The following ERBB4 variants were observed in gnomAD, a reference collection of about 807,000 sequenced individuals.
ERBB4 encodes erb-b2 receptor tyrosine kinase 4.
ERBB4 carries 42 observed loss-of-function variants against 158.0 expected under a neutral mutation model. The observed-to-expected ratio is 0.27, with a 90% CI of 0.21 to 0.34. The LOEUF is 0.34. Ranked by LOEUF, ERBB4 falls within the 10% of genes least tolerant of loss-of-function variation. The pLI is 1.00. For synonymous variants in ERBB4, 583 were observed against 558.7 expected, an observed-to-expected ratio of 1.04 and a Z score of -0.61; for missense variants, 1,333 against 1,624.1, an observed-to-expected ratio of 0.82 and a Z score of 3.08.
chr2:212,189,994 C>T (rs1378813439), intron 1 of ERBB4, among the ~76,000 whole-genome samples: 2 of 152,118 alleles, frequency 1.3e-5, no homozygotes, highest in Non-Finnish European at 2.9e-5. Context: ...TGAAAACACA[C>T]CTTTTTATAA....
At chr2:211,562,378 A>C (rs1338545079) in intron 19 of ERBB4, among the ~76,000 whole-genome samples, 1 of 152,216 alleles carries the variant, frequency 6.6e-6, no homozygotes, top group Non-Finnish European at 1.5e-5. Context: ...GCAATATGAG[A>C]TTTTACTTAT....
intron 1 of ERBB4, among the ~76,000 whole-genome samples, chr2:212,291,932 GT>G (rs1411774656): frequency 6.6e-6 from 1 of 151,946 alleles, no homozygotes; most frequent in Admixed American, 6.6e-5. Context: ...ACAGTTTGTA[GT>G]TTGTGGACTG....
In ERBB4 at chr2:211,386,905, T is replaced by C. The variant is rs138148119; in HGVS notation, c.3429A>G (p.Gly1143=). 5.0e-6 allele frequency: 8 copies of C among 1,614,094 alleles called. No individual in the cohort carries two copies. In the African/African-American group the frequency reaches 9.3e-5, roughly 19 times the overall value. Residue 1143 remains glycine, a synonymous_variant, in exon 27 of 28, where the codon GGA becomes GGG. Coordinates refer to ENST00000342788, the MANE Select transcript of ERBB4 (RefSeq NM_005235.3). ...TCATGTAACCTTCCTCATCCAGCTC[T>C]CCTCGTGGGCTCCGTTCTGGGGCAA... is the stretch of plus-strand genomic sequence containing the variant. ...TVFAPERSPR[G]ELDEEGYMTP...
intron 20 of ERBB4, among the ~76,000 whole-genome samples, chr2:211,473,244 G>C (rs1259454307): frequency 6.6e-6 from 1 of 152,020 alleles, no homozygotes; most frequent in Non-Finnish European, 1.5e-5. Flanking sequence ...ACCAGCCAAG[G>C]AATGTTGGCA....
At chr2:211,736,408 A>G (rs1420463510) in intron 5 of ERBB4, among the ~76,000 whole-genome samples, 10 of 152,170 alleles carry the variant, frequency 6.6e-5, no homozygotes, top group Admixed American at 5.9e-4. Context: ...TCTTATTTCA[A>G]TAAAAATGTA....
chr2:211,722,350 ATAATGACCTAAT>A (rs2074127210), intron 7 of ERBB4, 31 bp downstream of exon 7: 11 of 1,516,014 alleles, frequency 7.3e-6, no homozygotes, highest in Non-Finnish European at 1.0e-5. Flanking sequence ...TTGATTTCAA[ATAATGACCTAAT>A]TAATTTGGTT....
At chr2:211,820,989 A>G (rs532087765) in intron 3 of ERBB4, among the ~76,000 whole-genome samples, 1 of 151,898 alleles carries the variant, frequency 6.6e-6, no homozygotes, top group African/African-American at 2.4e-5. Context: ...AACTCAAATA[A>G]AACAAGGATG....
At chr2:211,653,463 C>T (rs1232201726) in intron 16 of ERBB4, among the ~76,000 whole-genome samples, 26 of 140,424 alleles carry the variant, frequency 1.9e-4, no homozygotes, top group African/African-American at 5.2e-4. Context: ...TCTTCCCCCC[C>T]GCCCCCCGCA....
At chr2:212,463,285 T>C (rs1688665620) in intron 1 of ERBB4, among the ~76,000 whole-genome samples, 1 of 152,090 alleles carries the variant, frequency 6.6e-6, no homozygotes, top group Non-Finnish European at 1.5e-5. Flanking sequence ...AGGGTAAATG[T>C]TTGAGGTGAT....
At chr2:212,140,746 C>T (rs1476030672) in intron 1 of ERBB4, among the ~76,000 whole-genome samples, 1 of 150,312 alleles carries the variant, frequency 6.7e-6, no homozygotes, top group Non-Finnish European at 1.5e-5. Context: ...AGAATATATT[C>T]CTTAAAAAGT....
In ERBB4 at chr2:212,286,773, T is replaced by TTTTTTTTTTTTTTTTG. The variant is rs2085998031; in HGVS notation, c.83-161871_83-161870insCAAAAAAAAAAAAAAA. ...GGTGGCACCATGAGGGTTAATTTTT[T>TTTTTTTTTTTTTTTTG]TTTTTTTTTTTTTTTTTGTAGAGAC... On this transcript the variant is annotated intron_variant, in intron 1 of 27. Coordinates refer to ENST00000342788, the MANE Select transcript of ERBB4 (RefSeq NM_005235.3). Among the ~76,000 whole-genome samples the TTTTTTTTTTTTTTTTG allele has an allele frequency of 1.9e-5, 2 of 105,436 alleles. 1 individual carries two copies. Among genetic ancestry groups the TTTTTTTTTTTTTTTTG allele is most frequent in the Non-Finnish European group, 3.9e-5 (2 of 51,038 alleles). 69.2% of individuals were successfully genotyped at this position (105,436 alleles called of 152,430 possible). A position where few individuals can be genotyped will look rare whatever the true frequency, so the allele number is the denominator to read the frequency against.
intron 20 of ERBB4, among the ~76,000 whole-genome samples, chr2:211,512,607 A>C (rs2065910423): frequency 1.3e-5 from 2 of 152,102 alleles, no homozygotes; most frequent in African/African-American, 4.8e-5. Context: ...CCCCCTTCTA[A>C]TCAATTAAAA....
chr2:211,621,343 A>C (rs192447274), intron 18 of ERBB4, among the ~76,000 whole-genome samples: 20 of 152,236 alleles, frequency 1.3e-4, no homozygotes, highest in African/African-American at 4.1e-4. Context: ...TAGGAGAAAA[A>C]AATAATCAAA....
At chr2:211,507,911 T>G (rs1358274038) in intron 20 of ERBB4, among the ~76,000 whole-genome samples, 1 of 152,152 alleles carries the variant, frequency 6.6e-6, no homozygotes, top group East Asian at 1.9e-4. Flanking sequence ...TAAAAGGTTC[T>G]GGGAAAACTG....
chr2:211,390,108 T>C (rs536410638), intron 25 of ERBB4, among the ~76,000 whole-genome samples: 1 of 152,342 alleles, frequency 6.6e-6, no homozygotes, highest in South Asian at 2.1e-4. Context: ...ACAGGAAATA[T>C]GGAACTGCCT....
At chr2:212,060,029 T>C (rs1277125716) in intron 2 of ERBB4, among the ~76,000 whole-genome samples, 1 of 152,196 alleles carries the variant, frequency 6.6e-6, no homozygotes, top group African/African-American at 2.4e-5. Flanking sequence ...GAGAAAATTT[T>C]TGCAATCTAC....
chr2:211,415,107 CTTTTTTTTTT>C (rs71047175), intron 25 of ERBB4, among the ~76,000 whole-genome samples: 1,370 of 72,550 alleles, frequency 0.019, 9 homozygotes, highest in Middle Eastern at 0.038. Context: ...CTTACATTTT[CTTTTTTTTTT>C]TTTTTTTTTT....
intron 2 of ERBB4, among the ~76,000 whole-genome samples, chr2:212,116,186 A>C (rs1445336215): frequency 6.6e-6 from 1 of 151,630 alleles, no homozygotes; most frequent in East Asian, 1.9e-4. Context: ...GCATAGATAT[A>C]AATGGTCACT....
chr2:211,550,594 T>TATAA (rs1256961213), intron 20 of ERBB4, among the ~76,000 whole-genome samples: 14 of 145,270 alleles, frequency 9.6e-5, no homozygotes, highest in African/African-American at 3.5e-4. Context: ...TATATATATA[T>TATAA]AAATATATAG....
Sources: gnomAD v4.1 joint callset for allele counts (sites outside exome capture counted in the v4.1 genomes callset) on GRCh38, gnomAD v4.1.1 for gene constraint, MANE v1.5 for transcripts, NCBI Gene and HGNC (gene_info 2026-07-23, HGNC 2026-07-21) for gene names.